Variants in JDP2 observed in about 807,000 individuals in gnomAD.
The protein encoded by JDP2 is progesterone receptor co-activator.
Under a neutral mutation model 17.1 loss-of-function variants are expected in JDP2, and 9 were observed. The observed-to-expected ratio is 0.53, with a 90% CI of 0.32 to 0.92. The LOEUF (loss-of-function observed/expected upper bound fraction) is 0.92, where lower values mean the gene tolerates loss of function less well. Ranked by LOEUF, JDP2 falls within the 40% of genes least tolerant of loss-of-function variation. The pLI is 0.04. For synonymous variants in JDP2, 107 were observed against 95.6 expected, an observed-to-expected ratio of 1.12 and a Z score of -0.69; for missense variants, 179 against 220.0, an observed-to-expected ratio of 0.81 and a Z score of 1.18.
Position 75,469,913 on chromosome 14 carries a change from A to G in JDP2, c.*438A>G, listed in dbSNP as rs1246756257. On this transcript the variant is annotated 3_prime_UTR_variant, in exon 4 of 4. Coordinates refer to ENST00000651602, the MANE Select transcript of JDP2 (RefSeq NM_001135048.2). The stretch of plus-strand genomic sequence containing the variant: ...GGATGGAACTCAGAATGAAACTGCA[A>G]CCCACCTGCCCCCAGCCCTGCCCCT... 2 of 156,666 alleles carry G rather than the reference A, an allele frequency of 1.3e-5. No individual in the cohort carries two copies. The highest frequency in any genetic ancestry group is 4.8e-5 in the African/African-American group (2 of 41,510). The allele number at this position is 156,666 out of a possible 1,614,324, so 9.7% of individuals were successfully genotyped here.
At chr14:75,445,689 T>A (rs1885566080) in intron 2 of JDP2, 1 of 685,128 alleles carries the variant, frequency 1.5e-6, no homozygotes, top group African/African-American at 2.0e-5. Flanking sequence ...AAGGCCTAAA[T>A]GTAAGAGTGA....
intron 2 of JDP2, chr14:75,445,423 G>C: frequency 3.0e-6 from 3 of 985,380 alleles, no homozygotes; most frequent in Non-Finnish European, 3.6e-6. Context: ...TAGTGCATGT[G>C]TATGCTCTGA....
chr14:75,432,448 TCCC>T (rs1489604214), intron 1 of JDP2: 4 of 1,002,044 alleles, frequency 4.0e-6, no homozygotes, highest in Non-Finnish European at 6.0e-6. Flanking sequence ...GCTCCCAAGG[TCCC>T]CCACTTCTCT....
chr14:75,448,503 C>A (rs552637102), intron 2 of JDP2, among the ~76,000 whole-genome samples: 1 of 152,298 alleles, frequency 6.6e-6, no homozygotes, highest in Non-Finnish European at 1.5e-5. Flanking sequence ...CCACATTTTT[C>A]TCAACACCTA....
chr14:75,433,195 CAAAAAAAAAA>C (rs780191475), intron 1 of JDP2, among the ~76,000 whole-genome samples: 4 of 19,374 alleles, frequency 2.1e-4, no homozygotes, highest in East Asian at 2.7e-3. Context: ...AACTCCGTCT[CAAAAAAAAAA>C]AAAAAAAAAA....
rs1182739969 is a variant in JDP2 at position 75,461,533 on chromosome 14, G to A, written c.306+3G>A. The A allele has an allele frequency of 1.9e-6, 3 of 1,595,618 alleles. No individual in the cohort carries two copies. Among genetic ancestry groups the A allele is most frequent in the South Asian group, 1.1e-5 (1 of 87,828 alleles). ...AGCGCACGGAGTTTCTGCAGCGGGTGAGCTGACCGGGTGGGTGGGGAGGCC... is the reference window on the plus strand; with the variant it reads ...AGCGCACGGAGTTTCTGCAGCGGGTAAGCTGACCGGGTGGGTGGGGAGGCC... On this transcript the variant is annotated splice_donor_region_variant and intron_variant, in intron 3 of 3. Transcript: ENST00000651602.
At position 75,470,808 on chromosome 14, in the gene JDP2, G is replaced by T. The variant is rs958069740; in HGVS notation, c.*1333G>T. 3.9e-5 allele frequency: 6 copies of T among 152,202 alleles called. No homozygotes were observed. The highest frequency in any genetic ancestry group is 5.9e-5 in the Non-Finnish European group (4 of 68,030). The allele number at this position is 152,202 out of a possible 1,614,324, so 9.4% of individuals were successfully genotyped here. ...CTCATTTCGTCTTCATGGCAGCCTT[G>T]CCAGGGAACAGCACTTGTCCCCAAT... On this transcript the variant is annotated 3_prime_UTR_variant, in exon 4 of 4. Transcript: ENST00000651602.
chr14:75,458,360 C>T (rs536703770), intron 2 of JDP2, among the ~76,000 whole-genome samples: 1 of 151,990 alleles, frequency 6.6e-6, no homozygotes, highest in African/African-American at 2.4e-5. Flanking sequence ...TGTGTTGTTC[C>T]TCTCTGTGTG....
chr14:75,432,238 A>G, intron 1 of JDP2: 2 of 1,353,124 alleles, frequency 1.5e-6, no homozygotes, highest in South Asian at 1.3e-5. Flanking sequence ...AAGCCGCGTG[A>G]CCTACGTCAT....
chr14:75,451,470 C>T (rs1885861692), intron 2 of JDP2, among the ~76,000 whole-genome samples: 1 of 152,144 alleles, frequency 6.6e-6, no homozygotes, highest in Non-Finnish European at 1.5e-5. Context: ...CCAGCTGGCA[C>T]TTGGATATTT....
chr14:75,440,715 C>T (rs549344157), intron 2 of JDP2, among the ~76,000 whole-genome samples: 6 of 152,282 alleles, frequency 3.9e-5, no homozygotes, highest in African/African-American at 7.2e-5. Flanking sequence ...GTGTGGTGGA[C>T]GATGGCTGCC....
chr14:75,453,913 C>T (rs971511064), intron 2 of JDP2, among the ~76,000 whole-genome samples: 1 of 152,148 alleles, frequency 6.6e-6, no homozygotes, highest in Non-Finnish European at 1.5e-5. Flanking sequence ...TCCATTTTTG[C>T]TTATCACTTC....
rs914989696 is a variant in JDP2 at position 75,471,667 on chromosome 14, A to G, written c.*2192A>G. Reference sequence around the variant, plus strand: ...ACTCCTCTCAGTTTCCCTCCACCCAACACACTTGGTGTGGACTCCCCTGCA... The same window carrying G: ...ACTCCTCTCAGTTTCCCTCCACCCAGCACACTTGGTGTGGACTCCCCTGCA... On this transcript the variant is annotated 3_prime_UTR_variant, in exon 4 of 4. Transcript: ENST00000651602. 3 of 151,280 alleles carry G rather than the reference A, an allele frequency of 2.0e-5. No homozygotes were observed. Among genetic ancestry groups the G allele is most frequent in the Non-Finnish European group, 2.9e-5 (2 of 67,962 alleles). 9.4% of individuals were successfully genotyped at this position (151,280 alleles called of 1,614,324 possible). A position where few individuals can be genotyped will look rare whatever the true frequency, so the allele number is the denominator to read the frequency against.
intron 3 of JDP2, among the ~76,000 whole-genome samples, chr14:75,465,770 T>C (rs1319662145): frequency 6.6e-6 from 1 of 152,228 alleles, no homozygotes; most frequent in Non-Finnish European, 1.5e-5. Context: ...GCCCTTCACC[T>C]TGTATTCTTT....
chr14:75,467,110 C>G (rs760209979), intron 3 of JDP2, among the ~76,000 whole-genome samples: 7 of 152,188 alleles, frequency 4.6e-5, no homozygotes, highest in Non-Finnish European at 7.4e-5. Flanking sequence ...ACAAGCTTTC[C>G]AGAGCTACAG....
intron 2 of JDP2, among the ~76,000 whole-genome samples, chr14:75,450,180 G>A (rs1016535377): frequency 6.6e-6 from 1 of 152,148 alleles, no homozygotes; most frequent in African/African-American, 2.4e-5. Context: ...ATCCACCTGT[G>A]GGCTCTGATG....
chr14:75,470,834 T>A lies in JDP2; in HGVS notation c.*1359T>A, dbSNP rs1427956319. The A allele has an allele frequency of 6.6e-6, 1 of 152,238 alleles. No individual in the cohort carries two copies. Among genetic ancestry groups the A allele is most frequent in the African/African-American group, 2.4e-5 (1 of 41,462 alleles). The allele number at this position is 152,238 out of a possible 1,614,324, so 9.4% of individuals were successfully genotyped here. Reference sequence around the variant, plus strand: ...CCAGGGAACAGCACTTGTCCCCAATTCACAGATGGCGAATTAGAGGTCCAG... The same window carrying A: ...CCAGGGAACAGCACTTGTCCCCAATACACAGATGGCGAATTAGAGGTCCAG... On this transcript the variant is annotated 3_prime_UTR_variant, in exon 4 of 4. Transcript: ENST00000651602.
chr14:75,432,750 T>C (rs1016293460), intron 1 of JDP2, among the ~76,000 whole-genome samples: 1 of 152,220 alleles, frequency 6.6e-6, no homozygotes, highest in Non-Finnish European at 1.5e-5. Context: ...AGAAAGTTCA[T>C]GATGCAGATG....
Position 75,441,523 on chromosome 14 carries a change from T to C in JDP2, c.201+3402T>C, listed in dbSNP as rs137895486. 9.1e-4 allele frequency among the ~76,000 whole-genome samples: 138 copies of C among 152,318 alleles called. No individual in the cohort carries two copies. The East Asian group carries it at 0.024, about 26-fold the overall frequency. On this transcript the variant is annotated intron_variant, in intron 2 of 3. Coordinates refer to ENST00000651602, the MANE Select transcript of JDP2 (RefSeq NM_001135048.2). Reference sequence around the variant, plus strand: ...CCTTACATCTCTCGGCACCGTATATTGCAGTGACGGCATCCAAAAGTAAGC... The same window carrying C: ...CCTTACATCTCTCGGCACCGTATATCGCAGTGACGGCATCCAAAAGTAAGC...
Sources: allele counts gnomAD v4.1 joint callset (sites outside exome capture counted in the v4.1 genomes callset), GRCh38; gene constraint gnomAD v4.1.1; transcripts MANE v1.5; gene names NCBI Gene and HGNC (gene_info 2026-07-23, HGNC 2026-07-21).